LRRC8E: variants seen among roughly 807,000 people sequenced by gnomAD.
LRRC8E encodes the protein leucine rich repeat containing 8 VRAC subunit E.
In LRRC8E, 6 loss-of-function variants were observed where a neutral mutation model predicts 6.1. The observed-to-expected ratio is 0.98, with a 90% confidence interval of 0.54 to 1.93. The LOEUF (loss-of-function observed/expected upper bound fraction) is 1.93. Among genes scored for constraint, LRRC8E ranks in the 30% most tolerant of loss-of-function variants. The probability of loss-of-function intolerance (pLI) is 0.01; values close to 1 mark genes in which losing one functional copy is unlikely to be tolerated. For missense variants in LRRC8E, 1,028 were observed against 1,031.4 expected (o/e 1.00, Z 0.04); for synonymous variants, 485 against 472.8 (o/e 1.03, Z -0.33).
At position 7,899,826 on chromosome 19, in the gene LRRC8E, A is replaced by T. The variant is rs764128332; in HGVS notation, c.1304A>T (p.Glu435Val). Residue 435 changes from glutamate (E) to valine (V), a missense_variant, in exon 3 of 3, where the codon GAG (glutamate) becomes GTG (valine). Transcript: ENST00000306708. ...MLPGLPDTVF[E>V]LSEVESLRLE... ...CCGGGTCTGCCCGACACCGTCTTTG[A>T]GCTCAGTGAGGTGGAGTCACTCAGG... The T allele has an allele frequency of 3.1e-6, 5 of 1,606,742 alleles. No homozygotes were observed. The Admixed American group carries it at 8.3e-5, about 27-fold the overall frequency.
At position 7,899,978 on chromosome 19, in the gene LRRC8E, C is replaced by T. The variant is rs753594165; in HGVS notation, c.1456C>T (p.Leu486=). The change falls in exon 3 of 3, where the codon CTG becomes TTG. Residue 486 remains leucine, a synonymous_variant. Transcript: ENST00000306708. The part of the protein sequence containing the change: ...FSLQVFLRDH[L]KVMRVKCEEL... ...CTTGCAGGTCTTCCTGCGGGACCACCTGAAGGTGATGCGCGTCAAATGCGA... is the reference window on the plus strand; with the variant it reads ...CTTGCAGGTCTTCCTGCGGGACCACTTGAAGGTGATGCGCGTCAAATGCGA... 3 of 1,609,682 alleles carry T rather than the reference C, an allele frequency of 1.9e-6. No individual in the cohort carries two copies. Among genetic ancestry groups the T allele is most frequent in the Non-Finnish European group, 8.5e-7 (1 of 1,179,772 alleles).
chr19:7,898,696 T>C lies in LRRC8E; in HGVS notation c.174T>C (p.His58=), dbSNP rs1478426629. 6.2e-7 allele frequency: 1 copy of C among 1,612,534 alleles called. No individual in the cohort carries two copies. The highest frequency in any genetic ancestry group is 1.1e-5 in the South Asian group (1 of 91,034). ...TQDKIICLPN[H]ELQENLSEAP... ...ACAAGATCATCTGTCTACCCAATCA[T>C]GAGCTCCAGGAGAACTTATCAGAGG... The change falls in exon 3 of 3, where the codon CAT becomes CAC. Residue 58 remains histidine (H), a synonymous_variant. Transcript: ENST00000306708.
In LRRC8E at chr19:7,900,583, G is replaced by A; in HGVS notation, c.2061G>A (p.Gly687=). 2 of 1,613,256 alleles carry A rather than the reference G, an allele frequency of 1.2e-6. No individual in the cohort carries two copies. Among genetic ancestry groups the A allele is most frequent in the Non-Finnish European group, 1.7e-6 (2 of 1,180,040 alleles). The change falls in exon 3 of 3, where the codon GGG becomes GGA. Residue 687 remains glycine (G), a synonymous_variant. Coordinates refer to ENST00000306708, the MANE Select transcript of LRRC8E (RefSeq NM_025061.6). This position sits in a 1 kb window ranked among gnomAD's most constrained non-coding sequence, Gnocchi z 5.0. ...GTCTGCTGGATGTGTCCCACAATGGGCTACACTCCCTGCCACCCGAGGTGG... is the reference window on the plus strand; with the variant it reads ...GTCTGCTGGATGTGTCCCACAATGGACTACACTCCCTGCCACCCGAGGTGG... The part of the protein sequence containing the change: ...GLRLLDVSHN[G]LHSLPPEVGL...
Position 7,900,065 on chromosome 19 carries a change from G to T in LRRC8E, c.1543G>T (p.Glu515Ter). The change falls in exon 3 of 3, where the codon GAG becomes TAG. Residue 515 changes from glutamate (E) to a stop codon, truncating the protein, a stop_gained. Transcript: ENST00000306708. LOFTEE classifies it low-confidence loss of function (END_TRUNC). The surrounding 1 kb of genome is among the most constrained non-coding windows in gnomAD (Gnocchi z 5.0). ...GLRGLEELHL[E>*]GLFPQELARA... ...GCGGGGCTTGGAGGAGCTGCACCTG[G>T]AGGGGCTTTTCCCCCAGGAGCTAGC... 1 of 1,611,676 alleles carries T rather than the reference G, an allele frequency of 6.2e-7. No homozygotes were observed. The highest frequency in any genetic ancestry group is 8.5e-7 in the Non-Finnish European group (1 of 1,179,684).
At position 7,895,355 on chromosome 19, in the gene LRRC8E, T is replaced by C; in HGVS notation, c.-5-244T>C. ...GCTCTTCGAGGTCAGACAAGTCAGA[T>C]CAGGTGCAGGGGTGCCCAGAGGGGA... On this transcript the variant is annotated intron_variant, in intron 1 of 2. Transcript: ENST00000306708. This position sits in a 1 kb window ranked among gnomAD's most constrained non-coding sequence, Gnocchi z 4.7. 1 of 500,508 alleles carries C rather than the reference T, an allele frequency of 2.0e-6. No individual in the cohort carries two copies. The highest frequency in any genetic ancestry group is 3.7e-6 in the Non-Finnish European group (1 of 273,000). The allele number at this position is 500,508 out of a possible 1,614,324, so 31.0% of individuals were successfully genotyped here.
chr19:7,899,887 G>A lies in LRRC8E; in HGVS notation c.1365G>A (p.Gly455=), dbSNP rs1340326454. ...TCTGCGATATCACCTTCCCCCCGGG[G>A]CTGTCACAGCTGGTGCACTTGCAGG... ...EAICDITFPP[G]LSQLVHLQEL... Residue 455 remains glycine (G), a synonymous_variant, in exon 3 of 3, where the codon GGG becomes GGA. Transcript: ENST00000306708. The A allele has an allele frequency of 5.0e-6, 8 of 1,607,088 alleles. No individual in the cohort carries two copies. Among genetic ancestry groups the A allele is most frequent in the Non-Finnish European group, 6.8e-6 (8 of 1,180,004 alleles).
Position 7,900,751 on chromosome 19 carries a change from C to T in LRRC8E, c.2229C>T (p.Ala743=). ...GCCAGCTCTCGCCCCACGTGGGTGCCCTCAGAGCCCTCAGCCGCCTGGAGC... is the reference window on the plus strand; with the variant it reads ...GCCAGCTCTCGCCCCACGTGGGTGCTCTCAGAGCCCTCAGCCGCCTGGAGC... ...QLSQLSPHVG[A]LRALSRLELK... is the part of the protein sequence containing the mutation. Residue 743 remains alanine (A), a synonymous_variant, in exon 3 of 3, where the codon GCC becomes GCT. Transcript: ENST00000306708. The surrounding 1 kb of genome is among the most constrained non-coding windows in gnomAD (Gnocchi z 5.0). The T allele has an allele frequency of 1.2e-6, 2 of 1,611,766 alleles. No homozygotes were observed. Among genetic ancestry groups the T allele is most frequent in the Non-Finnish European group, 1.7e-6 (2 of 1,179,028 alleles).
chr19:7,892,633 G>C (rs1222255799), intron 1 of LRRC8E, among the ~76,000 whole-genome samples: 1 of 152,208 alleles, frequency 6.6e-6, no homozygotes, highest in Non-Finnish European at 1.5e-5. Context: ...CCGAAGCTCA[G>C]TGTGTGTACT....
chr19:7,892,716 T>G (rs1252663746), intron 1 of LRRC8E, among the ~76,000 whole-genome samples: 1 of 152,186 alleles, frequency 6.6e-6, no homozygotes, highest in Non-Finnish European at 1.5e-5. Context: ...GTGGGTGCAA[T>G]GTACATATTC....
Position 7,899,896 on chromosome 19 carries a change from G to A in LRRC8E, c.1374G>A (p.Gln458=). ...TCACCTTCCCCCCGGGGCTGTCACA[G>A]CTGGTGCACTTGCAGGAGCTCAGCT... is the stretch of plus-strand genomic sequence containing the variant. ...CDITFPPGLS[Q]LVHLQELSLL... is the part of the protein sequence containing the mutation. The change falls in exon 3 of 3, where the codon CAG becomes CAA. Residue 458 remains glutamine (Q), a synonymous_variant. Coordinates refer to ENST00000306708, the MANE Select transcript of LRRC8E (RefSeq NM_025061.6). 6.2e-7 allele frequency: 1 copy of A among 1,607,686 alleles called. No individual in the cohort carries two copies. The highest frequency in any genetic ancestry group is 8.5e-7 in the Non-Finnish European group (1 of 1,180,002).
In LRRC8E at chr19:7,898,746, G is replaced by C; in HGVS notation, c.224G>C (p.Arg75Pro). 3 of 1,614,010 alleles carry C rather than the reference G, an allele frequency of 1.9e-6. No individual in the cohort carries two copies. Among genetic ancestry groups the C allele is most frequent in the Non-Finnish European group, 2.5e-6 (3 of 1,179,986 alleles). ...SEAPCQQLLP[R>P]GIPEQIGALQ... ...GCCCCGTGCCAGCAATTGCTGCCTC[G>C]GGGGATCCCTGAGCAGATTGGGGCC... The change falls in exon 3 of 3, where the codon CGG (arginine) becomes CCG (proline). Residue 75 changes from arginine to proline, a missense_variant. Coordinates refer to ENST00000306708, the MANE Select transcript of LRRC8E (RefSeq NM_025061.6).
rs140142584 is a variant in LRRC8E at position 7,899,263 on chromosome 19, G to C, written c.741G>C (p.Glu247Asp). The C allele has an allele frequency of 1.9e-5, 30 of 1,614,110 alleles. No homozygotes were observed. The highest frequency in any genetic ancestry group is 1.2e-4 in the African/African-American group (9 of 74,948). ...KVKKFRMHVE[E>D]GDILYTMYIR... ...AGAAGTTCCGCATGCACGTGGAAGA[G>C]GGCGACATCCTGTACACCATGTACA... The change falls in exon 3 of 3, where the codon GAG (glutamate) becomes GAC (aspartate). Residue 247 changes from glutamate to aspartate, a missense_variant. Glu to Asp is a conservative substitution (Grantham distance 45). Transcript: ENST00000306708.
At position 7,898,890 on chromosome 19, in the gene LRRC8E, T is replaced by A; in HGVS notation, c.368T>A (p.Val123Asp). The part of the protein sequence containing the change: ...WYAKYFPYLV[V>D]IHTLIFMVCT... Reference sequence around the variant, plus strand: ...GCCAAGTACTTCCCTTACCTCGTGGTCATTCACACACTCATCTTCATGGTC... The same window carrying A: ...GCCAAGTACTTCCCTTACCTCGTGGACATTCACACACTCATCTTCATGGTC... Residue 123 changes from valine (V) to aspartate (D), a missense_variant, in exon 3 of 3, where the codon GTC becomes GAC. Transcript: ENST00000306708. 6.2e-7 allele frequency: 1 copy of A among 1,614,206 alleles called. No homozygotes were observed. The highest frequency in any genetic ancestry group is 8.5e-7 in the Non-Finnish European group (1 of 1,180,038).
At chr19:7,894,578 G>A (rs1354039963) in intron 1 of LRRC8E, among the ~76,000 whole-genome samples, 1 of 152,174 alleles carries the variant, frequency 6.6e-6, no homozygotes, top group Non-Finnish European at 1.5e-5. Flanking sequence ...CAGGAGTGGG[G>A]GAACTTGGAT....
chr19:7,899,914 G>T lies in LRRC8E; in HGVS notation c.1392G>T (p.Glu464Asp). 1 of 1,608,134 alleles carries T rather than the reference G, an allele frequency of 6.2e-7. No individual in the cohort carries two copies. ...TGTCACAGCTGGTGCACTTGCAGGA[G>T]CTCAGCTTGCTCCACTCGCCCGCCA... ...PGLSQLVHLQ[E>D]LSLLHSPARL... is the part of the protein sequence containing the mutation. The change falls in exon 3 of 3, where the codon GAG (glutamate) becomes GAT (aspartate). Residue 464 changes from glutamate to aspartate, a missense_variant. Physicochemically the swap from Glu to Asp is conservative, Grantham distance 45. Transcript: ENST00000306708.
chr19:7,889,173 C>T (rs1046281080), intron 1 of LRRC8E, among the ~76,000 whole-genome samples: 3 of 152,244 alleles, frequency 2.0e-5, no homozygotes, highest in Non-Finnish European at 2.9e-5. Context: ...GAGGCTCAGC[C>T]GGACACCGTG....
rs1412248661 is a variant in LRRC8E, at chr19:7,900,210, T to C, written c.1688T>C (p.Leu563Pro). 2 of 1,613,160 alleles carry C rather than the reference T, an allele frequency of 1.2e-6. No homozygotes were observed. Among genetic ancestry groups the C allele is most frequent in the Non-Finnish European group, 1.7e-6 (2 of 1,179,952 alleles). Residue 563 changes from leucine (L) to proline (P), a missense_variant, in exon 3 of 3, where the codon CTC (leucine) becomes CCC (proline). Physicochemically the swap from Leu to Pro is moderately conservative, Grantham distance 98. Transcript: ENST00000306708. The surrounding 1 kb of genome is among the most constrained non-coding windows in gnomAD (Gnocchi z 5.0). ...VTDVAGHLQR[L>P]SLHNDGARLV... ...GACGTTGCTGGCCACCTGCAGAGGCTCAGCCTGCACAACGATGGGGCCCGT... is the reference window on the plus strand; with the variant it reads ...GACGTTGCTGGCCACCTGCAGAGGCCCAGCCTGCACAACGATGGGGCCCGT...
At chr19:7,893,401 A>G (rs2145098515) in intron 1 of LRRC8E, among the ~76,000 whole-genome samples, 1 of 151,930 alleles carries the variant, frequency 6.6e-6, no homozygotes, top group African/African-American at 2.4e-5. Context: ...TCGGCCTCCC[A>G]AAGTATACTT....
intron 1 of LRRC8E, among the ~76,000 whole-genome samples, chr19:7,890,053 T>A (rs1194093830): frequency 6.8e-6 from 1 of 147,108 alleles, no homozygotes; most frequent in Non-Finnish European, 1.5e-5. Flanking sequence ...CAGGACTCTA[T>A]GTCTAAAAAA....
Sources: gnomAD v4.1 joint callset for allele counts (sites outside exome capture counted in the v4.1 genomes callset) on GRCh38, gnomAD v4.1.1 for gene constraint, Gnocchi (gnomAD v3.1) non-coding constraint, MANE v1.5 for transcripts, NCBI Gene and HGNC (gene_info 2026-07-23, HGNC 2026-07-21) for gene names.